Variants in GPATCH2 observed in about 807,000 individuals in gnomAD.
The protein encoded by GPATCH2 is G-patch domain containing 2, also known as G patch domain-containing protein 2.
In GPATCH2, 51 loss-of-function variants were observed where a neutral mutation model predicts 58.0. The observed-to-expected ratio is 0.88, with a 90% CI of 0.70 to 1.11. The LOEUF (loss-of-function observed/expected upper bound fraction) is 1.11. Ranked by LOEUF, GPATCH2 falls within the 50% of genes most tolerant of loss-of-function variation. GPATCH2 has a pLI of 0.00. For synonymous variants in GPATCH2, 222 were observed against 218.5 expected (o/e 1.02, Z -0.14); for missense variants, 625 against 652.2 (o/e 0.96, Z 0.45).
At chr1:217,550,482 T>G (rs566456437) in intron 5 of GPATCH2, among the ~76,000 whole-genome samples, 10 of 152,126 alleles carry the variant, frequency 6.6e-5, no homozygotes, top group Non-Finnish European at 1.3e-4. Context: ...AATCTAGGAA[T>G]AGTGTTAAAT....
chr1:217,552,030 G>A (rs980261445), intron 5 of GPATCH2, among the ~76,000 whole-genome samples: 1 of 151,734 alleles, frequency 6.6e-6, no homozygotes, highest in Non-Finnish European at 1.5e-5. Context: ...TTTTTAGATG[G>A]GTAAATTTGC....
intron 9 of GPATCH2, among the ~76,000 whole-genome samples, chr1:217,443,010 T>G (rs1210304693): frequency 6.6e-6 from 1 of 152,190 alleles, no homozygotes. Flanking sequence ...AAAGTCAACA[T>G]GCATATCTTG....
At chr1:217,516,702 C>T (rs1427557657) in intron 5 of GPATCH2, among the ~76,000 whole-genome samples, 1 of 152,172 alleles carries the variant, frequency 6.6e-6, no homozygotes, top group Non-Finnish European at 1.5e-5. Context: ...AACTTATTTC[C>T]TTTGCCAAGG....
At chr1:217,512,522 C>A (rs1662904249) in intron 6 of GPATCH2, among the ~76,000 whole-genome samples, 1 of 152,112 alleles carries the variant, frequency 6.6e-6, no homozygotes, top group Non-Finnish European at 1.5e-5. Flanking sequence ...AGAGCATGAG[C>A]CTGCTGACAA....
At chr1:217,608,414 T>A (rs1668462195) in intron 5 of GPATCH2, 10 of 984,768 alleles carry the variant, frequency 1.0e-5, no homozygotes, top group African/African-American at 1.7e-5. Context: ...TGAAACTTCA[T>A]CACCTTTTTA....
intron 1 of GPATCH2, among the ~76,000 whole-genome samples, chr1:217,625,131 T>C (rs931684079): frequency 1.3e-5 from 2 of 152,212 alleles, no homozygotes; most frequent in African/African-American, 4.8e-5. Context: ...TCAAGTTTGT[T>C]TGTTTCGCTT....
chr1:217,578,300 C>G (rs1389048180), intron 5 of GPATCH2, among the ~76,000 whole-genome samples: 1 of 152,142 alleles, frequency 6.6e-6, no homozygotes, highest in Non-Finnish European at 1.5e-5. Flanking sequence ...ATGATCATAG[C>G]TCACTACAGC....
intron 5 of GPATCH2, among the ~76,000 whole-genome samples, chr1:217,531,418 C>T (rs569353605): frequency 1.2e-4 from 18 of 152,266 alleles, no homozygotes; most frequent in Admixed American, 2.6e-4. Context: ...TCAGACTATA[C>T]CTCAAGTAAT....
intron 5 of GPATCH2, among the ~76,000 whole-genome samples, chr1:217,528,482 C>A (rs1406557689): frequency 6.6e-6 from 1 of 152,174 alleles, no homozygotes; most frequent in Non-Finnish European, 1.5e-5. Flanking sequence ...AGGCATCCTG[C>A]CCTTTCTTGC....
intron 1 of GPATCH2, 32 bp downstream of exon 1, chr1:217,630,884 G>C (rs1669723268): frequency 4.5e-6 from 7 of 1,544,086 alleles, no homozygotes; most frequent in Non-Finnish European, 6.1e-6. Context: ...ACCCTTCCCT[G>C]ACCTCCCCCT....
intron 9 of GPATCH2, among the ~76,000 whole-genome samples, chr1:217,443,612 A>G (rs1659249929): frequency 6.6e-6 from 1 of 151,966 alleles, no homozygotes; most frequent in Admixed American, 6.6e-5. Flanking sequence ...GCACCATCTT[A>G]TTCTCTCTAC....
At chr1:217,445,889 G>C (rs914937118) in intron 9 of GPATCH2, among the ~76,000 whole-genome samples, 1 of 152,074 alleles carries the variant, frequency 6.6e-6, no homozygotes, top group Non-Finnish European at 1.5e-5. Context: ...GCAGGTAAAC[G>C]TAATCAATTC....
chr1:217,548,669 G>A (rs1665196847), intron 5 of GPATCH2, among the ~76,000 whole-genome samples: 1 of 152,172 alleles, frequency 6.6e-6, no homozygotes, highest in African/African-American at 2.4e-5. Context: ...TGTCATGGGA[G>A]GAACCCAGTG....
chr1:217,613,615 C>T (rs1307406986), intron 3 of GPATCH2, among the ~76,000 whole-genome samples: 1 of 151,982 alleles, frequency 6.6e-6, no homozygotes, highest in East Asian at 1.9e-4. Context: ...CAGACTGAAG[C>T]TTCTGGAAGT....
intron 5 of GPATCH2, among the ~76,000 whole-genome samples, chr1:217,595,776 A>C (rs945666485): frequency 4.6e-5 from 7 of 152,138 alleles, no homozygotes; most frequent in African/African-American, 1.7e-4. Flanking sequence ...CTGGGATTAC[A>C]AGCATGAGCC....
intron 6 of GPATCH2, among the ~76,000 whole-genome samples, chr1:217,499,056 C>T (rs933322527): frequency 6.6e-6 from 1 of 152,126 alleles, no homozygotes; most frequent in African/African-American, 2.4e-5. Flanking sequence ...ATGTATCTGG[C>T]AATACCTTTT....
At chr1:217,510,724 G>A (rs1038769215) in intron 6 of GPATCH2, among the ~76,000 whole-genome samples, 2 of 152,002 alleles carry the variant, frequency 1.3e-5, no homozygotes, top group African/African-American at 2.4e-5. Flanking sequence ...AAACACTTTC[G>A]GAGTTTTGTG....
chr1:217,536,729 C>T (rs1478308481), intron 5 of GPATCH2, among the ~76,000 whole-genome samples: 1 of 152,154 alleles, frequency 6.6e-6, no homozygotes, highest in Non-Finnish European at 1.5e-5. Context: ...AATCCCAACA[C>T]TTTTTGGGAG....
chr1:217,522,156 C>G (rs1331243814), intron 5 of GPATCH2, among the ~76,000 whole-genome samples: 1 of 151,912 alleles, frequency 6.6e-6, no homozygotes, highest in Non-Finnish European at 1.5e-5. Flanking sequence ...CAATTTTTTC[C>G]TAGTTAAAGC....
Sources: allele counts gnomAD v4.1 joint callset (sites outside exome capture counted in the v4.1 genomes callset), GRCh38; gene constraint gnomAD v4.1.1; transcripts MANE v1.5; gene names NCBI Gene and HGNC (gene_info 2026-07-23, HGNC 2026-07-21).